MACROD2: variants seen among roughly 807,000 people sequenced by gnomAD.
MACROD2 encodes ADP-ribose glycohydrolase MACROD2.
Under a neutral mutation model 70.4 loss-of-function variants are expected in MACROD2, and 36 were observed. The observed-to-expected ratio is 0.51, with a 90% CI of 0.39 to 0.68. The LOEUF is 0.68. MACROD2 is among the 30% of genes least tolerant of loss of function. The probability of loss-of-function intolerance (pLI) is 0.00; values close to 1 mark genes in which losing one functional copy is unlikely to be tolerated. For synonymous variants in MACROD2, 172 were observed against 178.8 expected, an observed-to-expected ratio of 0.96 and a Z score of 0.30; for missense variants, 496 against 538.4, an observed-to-expected ratio of 0.92 and a Z score of 0.78.
intron 5 of MACROD2, among the ~76,000 whole-genome samples, chr20:15,068,286 C>T (rs143571186): frequency 1.1e-4 from 17 of 152,168 alleles, no homozygotes; most frequent in African/African-American, 3.9e-4. Flanking sequence ...TATCACATGA[C>T]TACTTGTGAT....
At chr20:14,712,443 C>T (rs6110404) in intron 5 of MACROD2, among the ~76,000 whole-genome samples, 42,858 of 151,906 alleles carry the variant, frequency 0.28, 6,201 homozygotes, top group East Asian at 0.34. Context: ...AACAGGCTGG[C>T]ATTCGTCTGT....
At position 14,279,194 on chromosome 20, in the gene MACROD2, A is replaced by C. The variant is rs1167865422; in HGVS notation, c.271+193466A>C. Among the ~76,000 whole-genome samples, 3 of 152,208 alleles carry C rather than the reference A, an allele frequency of 2.0e-5. No individual in the cohort carries two copies. The East Asian group carries it at 5.8e-4, about 29-fold the overall frequency. On this transcript the variant is annotated intron_variant, in intron 3 of 17. Coordinates refer to ENST00000684519, the MANE Select transcript of MACROD2 (RefSeq NM_001351661.2). ...CATTTTTGGAGTTAGAGCAAATATA[A>C]TTTCCCCTTCTAGTTTCTTACGACA...
At chr20:14,423,562 T>A (rs1343175792) in intron 3 of MACROD2, among the ~76,000 whole-genome samples, 1 of 150,988 alleles carries the variant, frequency 6.6e-6, no homozygotes, top group Middle Eastern at 3.2e-3. Context: ...TAACCGCGCA[T>A]GGTGGCGGGC....
chr20:15,300,524 G>T (rs2077631902), intron 6 of MACROD2, among the ~76,000 whole-genome samples: 1 of 152,196 alleles, frequency 6.6e-6, no homozygotes, highest in South Asian at 2.1e-4. Flanking sequence ...AAATGCAGAT[G>T]CTTGGGCTCT....
At chr20:14,010,353 G>A (rs1223302466) in intron 2 of MACROD2, among the ~76,000 whole-genome samples, 1 of 152,028 alleles carries the variant, frequency 6.6e-6, no homozygotes, top group Non-Finnish European at 1.5e-5. Context: ...AGGAGGATGG[G>A]GGGCTGGTTG....
chr20:14,064,782 A>G (rs890547574), intron 2 of MACROD2, among the ~76,000 whole-genome samples: 8 of 152,178 alleles, frequency 5.3e-5, no homozygotes, highest in African/African-American at 1.9e-4. Flanking sequence ...TTTAAATTGC[A>G]TGATATCTGG....
chr20:14,208,198 G>A (rs1216311333), intron 3 of MACROD2, among the ~76,000 whole-genome samples: 7 of 152,154 alleles, frequency 4.6e-5, no homozygotes, highest in Admixed American at 3.9e-4. Flanking sequence ...TGATTATATT[G>A]TAGTTGTAGT....
Position 16,044,554 on chromosome 20 carries a change from T to C in MACROD2, c.1232-17T>C, listed in dbSNP as rs1040874191. The C allele has an allele frequency of 7.5e-6, 12 of 1,608,726 alleles. No homozygotes were observed. Among genetic ancestry groups the C allele is most frequent in the Non-Finnish European group, 1.0e-5 (12 of 1,177,734 alleles). ...GGTTTAATGAATATTTAACTTTTTT[T>C]TTTTTTCTGGTGACAGTTGAAATGA... On this transcript the variant is annotated splice_polypyrimidine_tract_variant and intron_variant, in intron 16 of 17. Transcript: ENST00000684519.
chr20:14,550,872 C>A, intron 4 of MACROD2, among the ~76,000 whole-genome samples: 1 of 79,346 alleles, frequency 1.3e-5, no homozygotes, highest in African/African-American at 4.7e-5. Flanking sequence ...CATGTTTTAT[C>A]AGTAGCAGTT....
At chr20:14,559,914 A>G (rs1478791740) in intron 4 of MACROD2, among the ~76,000 whole-genome samples, 1 of 151,832 alleles carries the variant, frequency 6.6e-6, no homozygotes, top group East Asian at 1.9e-4. Flanking sequence ...GGTGTGAAAC[A>G]GGGCTCAGGG....
At chr20:14,019,939 C>G (rs940062933) in intron 2 of MACROD2, among the ~76,000 whole-genome samples, 3 of 151,934 alleles carry the variant, frequency 2.0e-5, no homozygotes, top group African/African-American at 7.3e-5. Context: ...GGTGGATGGC[C>G]TTTTATTAGT....
At chr20:15,504,752 T>C (rs2047404963) in intron 8 of MACROD2, among the ~76,000 whole-genome samples, 1 of 152,168 alleles carries the variant, frequency 6.6e-6, no homozygotes, top group South Asian at 2.1e-4. Flanking sequence ...GCAGGTAGCA[T>C]GATAACCTTT....
intron 8 of MACROD2, among the ~76,000 whole-genome samples, chr20:15,527,456 G>T (rs1362087430): frequency 6.6e-6 from 1 of 152,124 alleles, no homozygotes; most frequent in Non-Finnish European, 1.5e-5. Context: ...AACATGAGAG[G>T]TTTATGCATT....
intron 5 of MACROD2, among the ~76,000 whole-genome samples, chr20:15,095,744 C>G (rs1420675279): frequency 6.6e-6 from 1 of 151,966 alleles, no homozygotes; most frequent in African/African-American, 2.4e-5. Flanking sequence ...GTCTCGATCT[C>G]CTGACCTCGT....
chr20:15,801,057 T>G (rs3865534), intron 8 of MACROD2, among the ~76,000 whole-genome samples: 5,155 of 141,956 alleles, frequency 0.036, 272 homozygotes, highest in East Asian at 0.19. Context: ...ACTGCGGAAG[T>G]CCGCAGGGTC....
intron 3 of MACROD2, among the ~76,000 whole-genome samples, chr20:14,410,105 G>A (rs1449309653): frequency 6.6e-6 from 1 of 151,952 alleles, no homozygotes. Context: ...ATTGGCAAGA[G>A]TTTGTAGATT....
chr20:14,891,084 T>A (rs969692288), intron 5 of MACROD2, among the ~76,000 whole-genome samples: 1 of 149,758 alleles, frequency 6.7e-6, no homozygotes, highest in Non-Finnish European at 1.5e-5. Flanking sequence ...TTCTCCTTCC[T>A]TCTTTCCTTT....
chr20:14,098,806 G>A (rs983170404), intron 3 of MACROD2, among the ~76,000 whole-genome samples: 2 of 152,120 alleles, frequency 1.3e-5, no homozygotes, highest in Non-Finnish European at 2.9e-5. Flanking sequence ...ATCTCTACTA[G>A]CAAAGCATCA....
chr20:15,654,838 A>T (rs945102599), intron 8 of MACROD2, among the ~76,000 whole-genome samples: 1 of 152,190 alleles, frequency 6.6e-6, no homozygotes, highest in Non-Finnish European at 1.5e-5. Context: ...ATAAAATACC[A>T]AGCAGTCCTT....
Sources: gnomAD v4.1 joint callset for allele counts (sites outside exome capture counted in the v4.1 genomes callset) on GRCh38, gnomAD v4.1.1 for gene constraint, MANE v1.5 for transcripts, NCBI Gene and HGNC (gene_info 2026-07-23, HGNC 2026-07-21) for gene names.